The following CELF2 variants were observed in gnomAD, a reference collection of about 807,000 sequenced individuals.
CELF2 encodes the protein CUGBP Elav-like family member 2, also known as CUG triplet repeat RNA-binding protein 2.
CELF2 carries 8 observed loss-of-function variants against 62.6 expected under a neutral mutation model. The observed-to-expected ratio is 0.13, with a 90% CI of 0.07 to 0.23. CELF2 has a LOEUF of 0.23. CELF2 is among the 10% of genes least tolerant of loss of function. CELF2 has a pLI of 1.00. For synonymous variants in CELF2, 258 were observed against 250.0 expected, an observed-to-expected ratio of 1.03 and a Z score of -0.30; for missense variants, 333 against 671.0, an observed-to-expected ratio of 0.50 and a Z score of 5.56.
chr10:10,659,869 A>T, the CELF2 span, among the ~76,000 whole-genome samples: 12 of 152,146 alleles, frequency 7.9e-5, no homozygotes, highest in Admixed American at 7.9e-4. Flanking sequence ...GGATCTGGAG[A>T]TGGGGAGATT....
intron 1 of CELF2, among the ~76,000 whole-genome samples, chr10:10,832,824 G>A (rs543618567): frequency 7.2e-5 from 11 of 152,218 alleles, no homozygotes; most frequent in African/African-American, 2.6e-4. Flanking sequence ...GGAATCGGAG[G>A]GGAGAGAAGA....
At chr10:11,294,005 G>T (rs778351007) in intron 9 of CELF2, among the ~76,000 whole-genome samples, 4 of 152,134 alleles carry the variant, frequency 2.6e-5, no homozygotes, top group Non-Finnish European at 5.9e-5. Context: ...CTGCAATTTG[G>T]TTTCACCTTA....
At chr10:11,199,954 ATTGATGT>A in intron 2 of CELF2, among the ~76,000 whole-genome samples, 1 of 152,214 alleles carries the variant, frequency 6.6e-6, no homozygotes, top group Non-Finnish European at 1.5e-5. Flanking sequence ...ATGCCCCGGC[ATTGATGT>A]CACAAAACTG....
rs374241023 is a variant in CELF2, at chr10:11,083,850, G to C, written c.74+65687G>C. Among the ~76,000 whole-genome samples the C allele has an allele frequency of 2.0e-5, 3 of 152,308 alleles. No homozygotes were observed. The East Asian group carries it at 5.8e-4, about 29-fold the overall frequency. ...TTAGTGATAAGGGAGAATTAGATCA[G>C]AAAGTGTACGGAGAGGGCCTTGAAA... is the stretch of plus-strand genomic sequence containing the variant. On this transcript the variant is annotated intron_variant, in intron 1 of 12. Transcript: ENST00000633077.
At chr10:11,138,910 G>A (rs1412737026) in intron 1 of CELF2, among the ~76,000 whole-genome samples, 1 of 152,242 alleles carries the variant, frequency 6.6e-6, no homozygotes, top group East Asian at 1.9e-4. Context: ...GGAACATACT[G>A]AAGGCATTAA....
At chr10:11,078,043 G>A (rs1453511089) in intron 1 of CELF2, among the ~76,000 whole-genome samples, 1 of 152,152 alleles carries the variant, frequency 6.6e-6, no homozygotes, top group Non-Finnish European at 1.5e-5. Flanking sequence ...GGCTAGAGCA[G>A]ACCATTTGCT....
chr10:10,499,123 A>G, the CELF2 span, among the ~76,000 whole-genome samples: 1 of 150,728 alleles, frequency 6.6e-6, no homozygotes, highest in Non-Finnish European at 1.5e-5. Context: ...CTAGAGTTCA[A>G]TGGCACGATC....
At chr10:11,175,587 A>G (rs898066852) in intron 2 of CELF2, among the ~76,000 whole-genome samples, 1 of 152,202 alleles carries the variant, frequency 6.6e-6, no homozygotes, top group Non-Finnish European at 1.5e-5. Flanking sequence ...ACAAAAGTTA[A>G]GGAGATGGTG....
chr10:10,838,667 G>A (rs954720277), intron 1 of CELF2, among the ~76,000 whole-genome samples: 1 of 152,070 alleles, frequency 6.6e-6, no homozygotes, highest in Non-Finnish European at 1.5e-5. Flanking sequence ...TTGGCCATGG[G>A]ATGCTCTTGT....
Position 10,934,514 on chromosome 10 carries a change from A to C in CELF2, c.89+14515A>C, listed in dbSNP as rs1314256083. 6.6e-6 allele frequency: 1 copy of C among 152,270 alleles called. No homozygotes were observed. Among genetic ancestry groups the C allele is most frequent in the Non-Finnish European group, 1.5e-5 (1 of 68,050 alleles). 9.4% of individuals were successfully genotyped at this position (152,270 alleles called of 1,614,324 possible). ...AGAAACAAAAACGAAATAGTTGATT[A>C]CAGAAAATATTGGGGAAAACTAATC... On this transcript the variant is annotated intron_variant, in intron 2 of 13. Coordinates refer to the CELF2 transcript ENST00000636488. The surrounding 1 kb of genome is among the most constrained non-coding windows in gnomAD (Gnocchi z 4.4).
the CELF2 span, among the ~76,000 whole-genome samples, chr10:10,584,295 A>C: frequency 6.6e-6 from 1 of 152,214 alleles, no homozygotes; most frequent in Non-Finnish European, 1.5e-5. Context: ...GCACAGCTAC[A>C]TAGTGGAAGA....
intron 2 of CELF2, among the ~76,000 whole-genome samples, chr10:10,920,942 T>TTTGTTG (rs145373066): frequency 1.3e-5 from 2 of 151,898 alleles, no homozygotes; most frequent in Non-Finnish European, 2.9e-5. Flanking sequence ...GTGCCTTTGT[T>TTTGTTG]TTGTTGTTGT....
chr10:10,844,532 C>T (rs1348074181), intron 1 of CELF2, among the ~76,000 whole-genome samples: 1 of 152,036 alleles, frequency 6.6e-6, no homozygotes, highest in African/African-American at 2.4e-5. Context: ...TGCTGTACTG[C>T]CATTTGCAGT....
chr10:10,522,710 C>A, the CELF2 span, among the ~76,000 whole-genome samples: 1 of 152,186 alleles, frequency 6.6e-6, no homozygotes, highest in African/African-American at 2.4e-5. Context: ...GCTGGGATTA[C>A]ACGCACATGC....
intron 9 of CELF2, among the ~76,000 whole-genome samples, chr10:11,312,458 G>T (rs1230422888): frequency 2.6e-5 from 4 of 152,226 alleles, no homozygotes; most frequent in African/African-American, 9.6e-5. Context: ...TCCCACATCT[G>T]GGTTCAGAGG....
intron 1 of CELF2, among the ~76,000 whole-genome samples, chr10:10,800,923 A>G (rs1333523687): frequency 2.6e-5 from 4 of 151,986 alleles, no homozygotes; most frequent in African/African-American, 7.2e-5. Flanking sequence ...CTTTCAAACA[A>G]TTTTTCTCAG....
chr10:11,233,461 A>G (rs2069682034), intron 3 of CELF2, among the ~76,000 whole-genome samples: 1 of 152,146 alleles, frequency 6.6e-6, no homozygotes, highest in Non-Finnish European at 1.5e-5. Flanking sequence ...CGCTACCTCT[A>G]CAGGCTGCTG....
At chr10:11,122,026 G>A (rs1170312558) in intron 1 of CELF2, among the ~76,000 whole-genome samples, 1 of 152,204 alleles carries the variant, frequency 6.6e-6, no homozygotes, top group African/African-American at 2.4e-5. Context: ...AAAGAATCTG[G>A]AACGCTCCAC....
At chr10:10,748,610 T>C in the CELF2 span, among the ~76,000 whole-genome samples, 1 of 151,698 alleles carries the variant, frequency 6.6e-6, no homozygotes, top group African/African-American at 2.4e-5. Context: ...TAGCCGGCCA[T>C]GGTCATGGGC....
Sources: gnomAD v4.1 joint callset for allele counts (sites outside exome capture counted in the v4.1 genomes callset) on GRCh38, gnomAD v4.1.1 for gene constraint, Gnocchi (gnomAD v3.1) non-coding constraint, MANE v1.5 for transcripts, NCBI Gene and HGNC (gene_info 2026-07-23, HGNC 2026-07-21) for gene names.